Variants in PIK3C2A observed in about 807,000 individuals in gnomAD.
The protein encoded by PIK3C2A is phosphatidylinositol 4-phosphate 3-kinase C2 domain-containing subunit alpha.
A neutral mutation model predicts 204.5 loss-of-function variants in PIK3C2A; 97 were observed. That is an observed-to-expected ratio of 0.47 (90% CI 0.40 to 0.56). The LOEUF is 0.56. PIK3C2A is among the 20% of genes least tolerant of loss of function. The probability of loss-of-function intolerance (pLI) is 0.00; values close to 1 mark genes in which losing one functional copy is unlikely to be tolerated. For missense variants in PIK3C2A, 1,735 were observed against 1,969.2 expected (o/e 0.88, Z 2.25); for synonymous variants, 653 against 664.4 (o/e 0.98, Z 0.26).
In PIK3C2A at chr11:17,169,330, GAAT is replaced by G. The variant is rs765658932; in HGVS notation, c.409_411del (p.Ile137del). 1 of 1,614,034 alleles carries G rather than the reference GAAT, an allele frequency of 6.2e-7. No homozygotes were observed. ...AATCCAGGTGGCCACTGTCCTCTCT[GAAT>G]AGTAGGTCTAAAATAGAGCTGTGCT... On this transcript the variant is annotated inframe_deletion, in exon 2 of 33. Transcript: ENST00000691414.
At chr11:17,205,160 G>C (rs545294553) in intron 1 of PIK3C2A, among the ~76,000 whole-genome samples, 37 of 151,390 alleles carry the variant, frequency 2.4e-4, no homozygotes, top group Non-Finnish European at 5.3e-4. Flanking sequence ...CTGGGTGACG[G>C]AGTGAGACTG....
intron 23 of PIK3C2A, among the ~76,000 whole-genome samples, chr11:17,103,196 T>C (rs777688968): frequency 2.2e-5 from 1 of 44,766 alleles, no homozygotes; most frequent in Non-Finnish European, 4.7e-5. Context: ...ACAAACATGA[T>C]GGATAGAAGA....
chr11:17,114,918 C>T (rs1052345952), intron 19 of PIK3C2A, among the ~76,000 whole-genome samples: 2 of 152,110 alleles, frequency 1.3e-5, no homozygotes, highest in African/African-American at 4.8e-5. Context: ...TAGGAATTTT[C>T]TGAAAGAAAT....
chr11:17,151,895 T>C (rs891240162), intron 3 of PIK3C2A, among the ~76,000 whole-genome samples: 1 of 152,158 alleles, frequency 6.6e-6, no homozygotes, highest in South Asian at 2.1e-4. Context: ...CATTCCTTTA[T>C]AGTAATACAA....
chr11:17,192,288 G>T (rs1716156225), intron 1 of PIK3C2A, among the ~76,000 whole-genome samples: 1 of 152,166 alleles, frequency 6.6e-6, no homozygotes. Flanking sequence ...ATCCAACATT[G>T]TGGGTCAATC....
intron 13 of PIK3C2A, among the ~76,000 whole-genome samples, chr11:17,124,856 T>C (rs1849474164): frequency 1.3e-5 from 2 of 152,204 alleles, no homozygotes; most frequent in African/African-American, 4.8e-5. Context: ...GAATTTTCCA[T>C]ATCCTGAATT....
In PIK3C2A at chr11:17,169,645, G is replaced by C. The variant is rs2137490040; in HGVS notation, c.97C>G (p.Gln33Glu). 1 of 1,613,518 alleles carries C rather than the reference G, an allele frequency of 6.2e-7. No individual in the cohort carries two copies. The highest frequency in any genetic ancestry group is 1.7e-4 in the Middle Eastern group (1 of 6,060). The change falls in exon 2 of 33, where the codon CAG becomes GAG. Residue 33 changes from glutamine to glutamate, a missense_variant. Around this residue, in one of 6 missense-constraint regions of PIK3C2A, gnomAD observed 536 missense variants for 546.7 expected, o/e 0.98. Transcript: ENST00000691414. ...AKDVDKEEAL[Q>E]MEAEALAKLQ... ...TTTGCTAAAGCCTCTGCTTCCATCT[G>C]TAATGCTTCTTCTTTGTCCACATCT...
At chr11:17,101,622 G>A (rs1022726205) in intron 24 of PIK3C2A, among the ~76,000 whole-genome samples, 188 bp from the exon 25 acceptor site, 1 of 58,438 alleles carries the variant, frequency 1.7e-5, no homozygotes, top group Non-Finnish European at 3.4e-5. Context: ...TTTTTTTTTT[G>A]AGACAGAGTC....
At position 17,134,947 on chromosome 11, in the gene PIK3C2A, T is replaced by C; in HGVS notation, c.1980A>G (p.Ala660=). ...AGTCTGTAGGACTCCTACCAGAATT[T>C]GCATGGAGTCTGAGAAGATCATAAA... is the stretch of plus-strand genomic sequence containing the variant. ...AAIYDLLRLH[A]NSGRSPTDCA... is the part of the protein sequence containing the mutation. The change falls in exon 11 of 33, where the codon GCA becomes GCG. Residue 660 remains alanine (A), a synonymous_variant. Coordinates refer to ENST00000691414, the MANE Select transcript of PIK3C2A (RefSeq NM_002645.4). The C allele has an allele frequency of 6.2e-7, 1 of 1,614,164 alleles. No individual in the cohort carries two copies. The highest frequency in any genetic ancestry group is 8.5e-7 in the Non-Finnish European group (1 of 1,179,968).
intron 2 of PIK3C2A, among the ~76,000 whole-genome samples, chr11:17,167,973 G>A (rs1851025243): frequency 6.6e-6 from 1 of 151,046 alleles, no homozygotes; most frequent in African/African-American, 2.4e-5. Flanking sequence ...AAATGCGTGA[G>A]AATTTCTATA....
In PIK3C2A at chr11:17,117,512, C is replaced by T; in HGVS notation, c.3195G>A (p.Gln1065=). Residue 1065 remains glutamine (Q), a synonymous_variant, in exon 19 of 33, where the codon CAG becomes CAA. Transcript: ENST00000691414. ...LLGGVAEKVR[Q]ASGSARQVVL... The stretch of plus-strand genomic sequence containing the variant: ...ATACCTGTCTGGCTGATCCACTAGC[C>T]TGCCTTACTTTTTCTGCTACTCCTC... 2 of 1,613,122 alleles carry T rather than the reference C, an allele frequency of 1.2e-6. No homozygotes were observed. The highest frequency in any genetic ancestry group is 1.7e-6 in the Non-Finnish European group (2 of 1,179,392).
Position 17,114,469 on chromosome 11 carries a change from T to C in PIK3C2A, c.3217-4A>G, listed in dbSNP as rs757702367. ...CCATACTTCTTTGGAGAACAACCTA[T>C]AGAAAGAGATGTGATACTGTAAGTA... is the stretch of plus-strand genomic sequence containing the variant. On this transcript the variant is annotated splice_polypyrimidine_tract_variant and splice_region_variant and intron_variant, in intron 19 of 32. Transcript: ENST00000691414. 3.1e-6 allele frequency: 4 copies of C among 1,303,030 alleles called. No individual in the cohort carries two copies. The highest frequency in any genetic ancestry group is 3.4e-5 in the Admixed American group (2 of 59,380). The allele number at this position is 1,303,030 out of a possible 1,614,324, so 80.7% of individuals were successfully genotyped here. A position where few individuals can be genotyped will look rare whatever the true frequency, so the allele number is the denominator to read the frequency against.
intron 2 of PIK3C2A, among the ~76,000 whole-genome samples, chr11:17,163,634 G>A (rs966542343): frequency 1.3e-5 from 2 of 151,456 alleles, no homozygotes; most frequent in South Asian, 2.1e-4. Flanking sequence ...GATTGGTCTC[G>A]AATTCTTGGC....
rs758942135 is a variant in PIK3C2A, at chr11:17,114,496, A to G, written c.3217-31T>C. On this transcript the variant is annotated intron_variant, in intron 19 of 32. Transcript: ENST00000691414. ...GAAAGAGATGTGATACTGTAAGTAC[A>G]TAATGAAAATGAAGATCTATTTTTC... is the stretch of plus-strand genomic sequence containing the variant. The G allele has an allele frequency of 1.5e-5, 14 of 944,590 alleles. No homozygotes were observed. The East Asian group carries it at 3.4e-4, about 23-fold the overall frequency. 58.5% of individuals were successfully genotyped at this position (944,590 alleles called of 1,614,324 possible). A position where few individuals can be genotyped will look rare whatever the true frequency, so the allele number is the denominator to read the frequency against.
At chr11:17,107,491 T>C (rs372100329) in intron 22 of PIK3C2A, among the ~76,000 whole-genome samples, 2 of 152,138 alleles carry the variant, frequency 1.3e-5, no homozygotes, top group Non-Finnish European at 2.9e-5. Flanking sequence ...GTTGTGCATA[T>C]TAGAATATAC....
chr11:17,123,549 C>T (rs1849432002), intron 13 of PIK3C2A, among the ~76,000 whole-genome samples: 2 of 151,672 alleles, frequency 1.3e-5, no homozygotes. Context: ...CATGAGCCAC[C>T]GCACCTGGCC....
At chr11:17,147,490 G>T in intron 6 of PIK3C2A, 27 bp downstream of exon 6, 1 of 1,181,364 alleles carries the variant, frequency 8.5e-7, no homozygotes, top group South Asian at 1.3e-5. Context: ...CAAACAAATG[G>T]AATTCAGTTA....
chr11:17,157,260 G>C (rs557953235), intron 2 of PIK3C2A, among the ~76,000 whole-genome samples: 15 of 152,196 alleles, frequency 9.9e-5, no homozygotes, highest in African/African-American at 3.4e-4. Flanking sequence ...AGGAGTTCAA[G>C]ACCAGCCTGG....
At position 17,119,876 on chromosome 11, in the gene PIK3C2A, C is replaced by A. The variant is rs1280974544; in HGVS notation, c.2756G>T (p.Trp919Leu). 6.2e-7 allele frequency: 1 copy of A among 1,611,382 alleles called. No homozygotes were observed. The change falls in exon 16 of 33, where the codon TGG becomes TTG. Residue 919 changes from tryptophan to leucine, a missense_variant. Trp to Leu is a moderately conservative substitution (Grantham distance 61). This residue lies in a region of PIK3C2A where 567 missense variants were observed against 576.0 expected (regional missense o/e 0.98). Coordinates refer to ENST00000691414, the MANE Select transcript of PIK3C2A (RefSeq NM_002645.4). Reference protein sequence around the residue: ...LPKILASAPNWKWVNLAKTYS... With the variant: ...LPKILASAPNLKWVNLAKTYS... Reference sequence around the variant, plus strand: ...AGTTTTGGCAAGATTAACCCATTTCCAGTTTGGGGCGCTTGCTAATATTTT... The same window carrying A: ...AGTTTTGGCAAGATTAACCCATTTCAAGTTTGGGGCGCTTGCTAATATTTT...
Sources: allele counts gnomAD v4.1 joint callset (sites outside exome capture counted in the v4.1 genomes callset), GRCh38; gene constraint gnomAD v4.1.1; regional missense constraint gnomAD v4.1.1; transcripts MANE v1.5; gene names NCBI Gene and HGNC (gene_info 2026-07-23, HGNC 2026-07-21).